TBC1D22A: variants seen among roughly 807,000 people sequenced by gnomAD.
TBC1D22A encodes the protein TBC1 domain family member 22A.
In TBC1D22A, 38 loss-of-function variants were observed where a neutral mutation model predicts 60.2. The observed-to-expected ratio is 0.63, with a 90% CI of 0.49 to 0.83. The LOEUF is 0.83. TBC1D22A is among the 40% of genes least tolerant of loss of function. The probability of loss-of-function intolerance (pLI) is 0.00; values close to 1 mark genes in which losing one functional copy is unlikely to be tolerated. For synonymous variants in TBC1D22A, 302 were observed against 281.7 expected, an observed-to-expected ratio of 1.07 and a Z score of -0.72; for missense variants, 628 against 701.0, an observed-to-expected ratio of 0.90 and a Z score of 1.18.
chr22:46,944,513 C>T (rs2072390899), intron 8 of TBC1D22A, among the ~76,000 whole-genome samples: 1 of 152,200 alleles, frequency 6.6e-6, no homozygotes, highest in Non-Finnish European at 1.5e-5. Flanking sequence ...ATTCTCCTGC[C>T]TCAGCCTCCC....
At chr22:47,007,587 G>C (rs896540078) in intron 10 of TBC1D22A, among the ~76,000 whole-genome samples, 6 of 152,112 alleles carry the variant, frequency 3.9e-5, no homozygotes, top group Non-Finnish European at 7.3e-5. Context: ...GATGGTTCTA[G>C]CTGCTTTGGT....
In TBC1D22A at chr22:46,792,576, C is replaced by T. The variant is rs751292740; in HGVS notation, c.119C>T (p.Thr40Ile). The change falls in exon 2 of 13, where the codon ACT (threonine) becomes ATT (isoleucine). Residue 40 changes from threonine to isoleucine, a missense_variant and splice_region_variant. Thr to Ile is a moderately conservative substitution (Grantham distance 89, BLOSUM62 -1). Transcript: ENST00000337137. ...HPPFDPLLHGTLLRSTAKMPT... is the reference protein window; with the variant it reads ...HPPFDPLLHGILLRSTAKMPT... Reference sequence around the variant, plus strand: ...CCCTTTGATCCACTGTTACATGGCACGTAAGTGACGTTCCAACCTCACTTG... The same window carrying T: ...CCCTTTGATCCACTGTTACATGGCATGTAAGTGACGTTCCAACCTCACTTG... The T allele has an allele frequency of 7.4e-6, 12 of 1,614,136 alleles. No homozygotes were observed. Among genetic ancestry groups the T allele is most frequent in the African/African-American group, 5.3e-5 (4 of 74,958 alleles).
In TBC1D22A at chr22:46,990,419, G is replaced by A. The variant is rs1354588410; in HGVS notation, c.1126-7215G>A. 3.9e-5 allele frequency among the ~76,000 whole-genome samples: 6 copies of A among 151,986 alleles called. No individual in the cohort carries two copies. In the East Asian group the frequency reaches 7.7e-4, roughly 20 times the overall value. On this transcript the variant is annotated intron_variant, in intron 9 of 12. Coordinates refer to ENST00000337137, the MANE Select transcript of TBC1D22A (RefSeq NM_014346.5). The surrounding 1 kb of genome is among the most constrained non-coding windows in gnomAD (Gnocchi z 4.6). ...AGAGAGGCCCCATGTGCTCCTCAGC[G>A]TCCTCCTTCAGCCCCAGCCTCCCTG...
chr22:46,920,088 A>T (rs6009054), intron 8 of TBC1D22A, among the ~76,000 whole-genome samples: 18,332 of 145,764 alleles, frequency 0.13, 2,538 homozygotes, highest in African/African-American at 0.34. Flanking sequence ...TGTATGTATG[A>T]ATGAAGGAGA....
intron 1 of TBC1D22A, among the ~76,000 whole-genome samples, chr22:46,765,547 C>T (rs1371439376): frequency 6.6e-6 from 1 of 151,438 alleles, no homozygotes; most frequent in Non-Finnish European, 1.5e-5. Context: ...CTCACTGCAA[C>T]CTCTGCCTCC....
intron 11 of TBC1D22A, among the ~76,000 whole-genome samples, chr22:47,078,826 G>C (rs941613614): frequency 1.3e-5 from 2 of 152,154 alleles, no homozygotes; most frequent in Admixed American, 1.3e-4. Context: ...TCACATGGTA[G>C]GAATGCTCCC....
chr22:47,093,384 T>C (rs1225762531), intron 11 of TBC1D22A, among the ~76,000 whole-genome samples: 2 of 152,292 alleles, frequency 1.3e-5, no homozygotes, highest in East Asian at 3.9e-4. Context: ...AGCTAGTTTT[T>C]GCTGGTGTGC....
chr22:47,166,571 A>G (rs1302589023), intron 12 of TBC1D22A, among the ~76,000 whole-genome samples: 1 of 152,190 alleles, frequency 6.6e-6, no homozygotes, highest in East Asian at 1.9e-4. Flanking sequence ...CCTGCATCCC[A>G]TGGTTCCATT....
chr22:47,135,940 CGTG>C (rs1185825452), intron 12 of TBC1D22A, among the ~76,000 whole-genome samples: 2 of 152,192 alleles, frequency 1.3e-5, no homozygotes, highest in Admixed American at 1.3e-4. Context: ...CCCGGACACA[CGTG>C]GTGAGGTCAC....
chr22:47,104,993 A>C (rs1327628262), intron 11 of TBC1D22A, among the ~76,000 whole-genome samples: 1 of 151,522 alleles, frequency 6.6e-6, no homozygotes, highest in East Asian at 1.9e-4. Context: ...ATGTCTCATG[A>C]CTCCCTAAAA....
intron 12 of TBC1D22A, among the ~76,000 whole-genome samples, chr22:47,155,631 C>G (rs942948964): frequency 3.6e-4 from 55 of 151,636 alleles, no homozygotes; most frequent in African/African-American, 1.3e-3. Context: ...ACGCGTAACA[C>G]TTGACATCAC....
chr22:46,850,242 C>T (rs1352777004), intron 4 of TBC1D22A, among the ~76,000 whole-genome samples: 2 of 152,126 alleles, frequency 1.3e-5, no homozygotes, highest in African/African-American at 2.4e-5. Flanking sequence ...CTGCTGTGTG[C>T]CGTGGGGTTG....
At chr22:47,080,782 A>G (rs1323426464) in intron 11 of TBC1D22A, among the ~76,000 whole-genome samples, 1 of 152,168 alleles carries the variant, frequency 6.6e-6, no homozygotes, top group Non-Finnish European at 1.5e-5. Flanking sequence ...GAAATAGAAA[A>G]TGGGCAAGCA....
intron 5 of TBC1D22A, among the ~76,000 whole-genome samples, chr22:46,882,508 C>T (rs578007410): frequency 7.2e-5 from 11 of 152,170 alleles, no homozygotes; most frequent in East Asian, 3.9e-4. Context: ...GAAAGTTATG[C>T]GCTATGCCCG....
chr22:46,762,999 C>A, intron 1 of TBC1D22A, 151 bp downstream of exon 1: 1 of 673,812 alleles, frequency 1.5e-6, no homozygotes. Flanking sequence ...CGTTGGGGGG[C>A]TCGGAGGTCG....
At chr22:47,057,051 C>T (rs1270955351) in intron 11 of TBC1D22A, among the ~76,000 whole-genome samples, 4 of 152,218 alleles carry the variant, frequency 2.6e-5, no homozygotes, top group Non-Finnish European at 5.9e-5. Flanking sequence ...CTGGCAGGTG[C>T]CTGACCCTGC....
chr22:47,094,408 A>G (rs1456017407), intron 11 of TBC1D22A, among the ~76,000 whole-genome samples: 1 of 152,174 alleles, frequency 6.6e-6, no homozygotes, highest in Non-Finnish European at 1.5e-5. Flanking sequence ...GAAGGCCTTC[A>G]TAGACAGAGA....
At chr22:46,992,217 C>T (rs2074970004) in intron 9 of TBC1D22A, among the ~76,000 whole-genome samples, 1 of 152,234 alleles carries the variant, frequency 6.6e-6, no homozygotes, top group Admixed American at 6.5e-5. Flanking sequence ...GGGTAAAGTC[C>T]AGAGGAAGCG....
chr22:46,912,630 A>G (rs2070031675), intron 8 of TBC1D22A, among the ~76,000 whole-genome samples: 1 of 152,122 alleles, frequency 6.6e-6, no homozygotes. Flanking sequence ...GATATCGGCT[A>G]ACTGCAACCT....
Sources: allele counts gnomAD v4.1 joint callset (sites outside exome capture counted in the v4.1 genomes callset), GRCh38; gene constraint gnomAD v4.1.1; non-coding constraint Gnocchi (gnomAD v3.1); transcripts MANE v1.5; gene names NCBI Gene and HGNC (gene_info 2026-07-23, HGNC 2026-07-21).